PLEKHA1: variants seen among roughly 807,000 people sequenced by gnomAD.
PLEKHA1 encodes pleckstrin homology domain-containing family A member 1.
Under a neutral mutation model 52.0 loss-of-function variants are expected in PLEKHA1, and 34 were observed. That is an observed-to-expected ratio of 0.65 (90% CI 0.50 to 0.87). The LOEUF is 0.87. Ranked by LOEUF, PLEKHA1 falls within the 40% of genes least tolerant of loss-of-function variation. PLEKHA1 has a pLI of 0.00. For missense variants in PLEKHA1, 497 were observed against 504.2 expected (o/e 0.99, Z 0.14); for synonymous variants, 163 against 170.7 (o/e 0.95, Z 0.35).
At chr10:122,386,471 G>A (rs1394157332) in intron 1 of PLEKHA1, 1 of 151,996 alleles carries the variant, frequency 6.6e-6, no homozygotes, top group Non-Finnish European at 1.5e-5. Context: ...CTTTTGAAGA[G>A]CAATTTTAAA....
At chr10:122,429,568 G>C in intron 11 of PLEKHA1, 56 bp from the exon 12 acceptor site, 1 of 1,516,562 alleles carries the variant, frequency 6.6e-7, no homozygotes, top group Non-Finnish European at 9.0e-7. Context: ...CTCACACTGA[G>C]TTACTAACCT....
intron 1 of PLEKHA1, among the ~76,000 whole-genome samples, chr10:122,389,808 T>C (rs2096751619): frequency 6.6e-6 from 1 of 152,250 alleles, no homozygotes; most frequent in Non-Finnish European, 1.5e-5. Flanking sequence ...AGACTTTGCA[T>C]AATTCTTGAG....
At chr10:122,394,396 A>G (rs1043018733) in intron 2 of PLEKHA1, among the ~76,000 whole-genome samples, 1 of 152,028 alleles carries the variant, frequency 6.6e-6, no homozygotes, top group Non-Finnish European at 1.5e-5. Context: ...TTTTATCTTC[A>G]AATAAAAATT....
At chr10:122,425,713 CAAA>C (rs11367637) in intron 10 of PLEKHA1, 10,627 of 99,380 alleles carry the variant, frequency 0.11, 410 homozygotes, top group Middle Eastern at 0.18. Flanking sequence ...GACCCTGTCT[CAAA>C]AAAAAAAAAA....
At chr10:122,436,996 T>TTA (rs1390206645), downstream of PLEKHA1, 1 of 148,938 alleles carries the variant, frequency 6.7e-6, no homozygotes, top group Non-Finnish European at 1.5e-5. Context: ...CATCAGCCTT[T>TTA]TTTTTTTTTT....
chr10:122,416,058 C>T, intron 7 of PLEKHA1, 56 bp downstream of exon 7: 4 of 1,498,872 alleles, frequency 2.7e-6, no homozygotes, highest in Non-Finnish European at 3.6e-6. Flanking sequence ...TTCTAGCAAA[C>T]TCAAATTAAC....
chr10:122,390,826 C>CTGGG (rs112820281), intron 1 of PLEKHA1, among the ~76,000 whole-genome samples: 1 of 151,484 alleles, frequency 6.6e-6, no homozygotes, highest in Admixed American at 6.6e-5. Context: ...AGTAGAATGG[C>CTGGG]TGGATCATAT....
chr10:122,406,321 G>A (rs556131386), intron 4 of PLEKHA1, among the ~76,000 whole-genome samples: 2 of 152,260 alleles, frequency 1.3e-5, no homozygotes, highest in African/African-American at 2.4e-5. Flanking sequence ...ACCGGAAATA[G>A]CCTAAGTGTC....
At chr10:122,402,743 A>T (rs1293956019) in intron 4 of PLEKHA1, among the ~76,000 whole-genome samples, 1 of 152,138 alleles carries the variant, frequency 6.6e-6, no homozygotes, top group Non-Finnish European at 1.5e-5. Flanking sequence ...AGGTAATGGG[A>T]TGTGTGGTGT....
At position 122,393,436 on chromosome 10, in the gene PLEKHA1, C is replaced by A; in HGVS notation, c.141+95C>A. 1 of 1,250,602 alleles carries A rather than the reference C, an allele frequency of 8.0e-7. No homozygotes were observed. The highest frequency in any genetic ancestry group is 1.1e-6 in the Non-Finnish European group (1 of 946,404). The allele number at this position is 1,250,602 out of a possible 1,614,324, so 77.5% of individuals were successfully genotyped here. ...CAGGCTTTAGATTTGTCTTCTTAAGCAGTATATTTTTAGATTTATTTCTAC... is the reference window on the plus strand; with the variant it reads ...CAGGCTTTAGATTTGTCTTCTTAAGAAGTATATTTTTAGATTTATTTCTAC... On this transcript the variant is annotated intron_variant, in intron 2 of 11. Transcript: ENST00000368990. The surrounding 1 kb of genome is among the most constrained non-coding windows in gnomAD (Gnocchi z 4.5).
At chr10:122,436,897 G>A (rs1326360213), downstream of PLEKHA1, 13 of 151,422 alleles carry the variant, frequency 8.6e-5, no homozygotes, top group African/African-American at 3.2e-4. Flanking sequence ...TTTCCCTCCC[G>A]AACTGTGGTA....
At chr10:122,424,161 T>C in intron 8 of PLEKHA1, 38 bp from the exon 9 acceptor site, 1 of 1,511,688 alleles carries the variant, frequency 6.6e-7, no homozygotes. Flanking sequence ...AGAATAAACA[T>C]CATGTAACTG....
intron 9 of PLEKHA1, 127 bp from the exon 10 acceptor site, chr10:122,424,769 T>TAAAAAA (rs2097313115): frequency 1.8e-6 from 1 of 552,912 alleles, no homozygotes; most frequent in Non-Finnish European, 3.0e-6. Flanking sequence ...GAAAAGATAA[T>TAAAAAA]TTGGGTTTGC....
At chr10:122,433,058 A>G (rs1167609073), downstream of PLEKHA1, 1 of 152,004 alleles carries the variant, frequency 6.6e-6, no homozygotes, top group Non-Finnish European at 1.5e-5. Context: ...TGTTGTGTCT[A>G]ATCCATTGTC....
At chr10:122,410,255 A>G (rs1427504147) in intron 5 of PLEKHA1, among the ~76,000 whole-genome samples, 2 of 152,152 alleles carry the variant, frequency 1.3e-5, no homozygotes, top group African/African-American at 4.8e-5. Context: ...ATTTCCTACT[A>G]CTAGGATCAC....
chr10:122,383,223 G>A (rs564204469), intron 1 of PLEKHA1, among the ~76,000 whole-genome samples: 50 of 151,416 alleles, frequency 3.3e-4, no homozygotes, highest in African/African-American at 1.2e-3. Context: ...CAGTGCCTCC[G>A]TTTATTCCCT....
chr10:122,408,501 A>G (rs2097057479), intron 5 of PLEKHA1, among the ~76,000 whole-genome samples: 1 of 152,166 alleles, frequency 6.6e-6, no homozygotes, highest in African/African-American at 2.4e-5. Context: ...AAATGATTTT[A>G]ATGTTTTTAT....
chr10:122,389,205 A>G (rs902242487), intron 1 of PLEKHA1, among the ~76,000 whole-genome samples: 15 of 152,268 alleles, frequency 9.9e-5, no homozygotes, highest in African/African-American at 3.1e-4. Flanking sequence ...ATATATTTCA[A>G]TATCACAAAA....
chr10:122,376,287 A>AT (rs1395001349), intron 1 of PLEKHA1, among the ~76,000 whole-genome samples: 5 of 151,984 alleles, frequency 3.3e-5, no homozygotes, highest in African/African-American at 1.2e-4. Context: ...GAGTTAAAGT[A>AT]TTTTTTATCT....
Sources: allele counts gnomAD v4.1 joint callset (sites outside exome capture counted in the v4.1 genomes callset), GRCh38; gene constraint gnomAD v4.1.1; non-coding constraint Gnocchi (gnomAD v3.1); transcripts MANE v1.5; gene names NCBI Gene and HGNC (gene_info 2026-07-23, HGNC 2026-07-21).